CTNNA3: variants seen among roughly 807,000 people sequenced by gnomAD.
The protein encoded by CTNNA3 is catenin alpha-3.
Under a neutral mutation model 95.7 loss-of-function variants are expected in CTNNA3, and 76 were observed. The ratio of observed to expected loss-of-function variants is 0.79; its 90% confidence interval spans 0.66 to 0.96. The LOEUF (loss-of-function observed/expected upper bound fraction) is 0.96, where lower values mean the gene tolerates loss of function less well. Among genes scored for constraint, CTNNA3 ranks in the 40% least tolerant of loss-of-function variants. The pLI, the probability that CTNNA3 is intolerant of heterozygous loss-of-function variation, is 0.00. For missense variants in CTNNA3, 1,191 were observed against 1,089.8 expected, an observed-to-expected ratio of 1.09 and a Z score of -1.31; for synonymous variants, 431 against 374.4, an observed-to-expected ratio of 1.15 and a Z score of -1.74.
chr10:66,593,465 C>CA (rs1437364491), intron 10 of CTNNA3, among the ~76,000 whole-genome samples: 2 of 152,074 alleles, frequency 1.3e-5, no homozygotes, highest in Non-Finnish European at 2.9e-5. Context: ...ACCACATCAC[C>CA]AAAGTTTCTG....
chr10:66,729,840 C>A (rs959227304), intron 9 of CTNNA3, among the ~76,000 whole-genome samples: 2 of 151,630 alleles, frequency 1.3e-5, no homozygotes, highest in Non-Finnish European at 1.5e-5. Context: ...CGTGGTGGCT[C>A]ATGCCTGTAA....
At chr10:67,652,540 T>C (rs1839905436) in intron 1 of CTNNA3, among the ~76,000 whole-genome samples, 1 of 152,236 alleles carries the variant, frequency 6.6e-6, no homozygotes, top group Non-Finnish European at 1.5e-5. Flanking sequence ...CAAGGTTTAA[T>C]AATGTATATA....
chr10:66,945,612 C>CTT (rs1564786281), intron 7 of CTNNA3, among the ~76,000 whole-genome samples: 1 of 152,162 alleles, frequency 6.6e-6, no homozygotes, highest in Non-Finnish European at 1.5e-5. Flanking sequence ...TCTTCAAGAA[C>CTT]TTTTCCTTTG....
intron 13 of CTNNA3, among the ~76,000 whole-genome samples, chr10:66,250,242 AG>A (rs766376577): frequency 3.3e-5 from 5 of 152,134 alleles, no homozygotes; most frequent in Non-Finnish European, 7.4e-5. Context: ...GTGGAGATAG[AG>A]GGTAGAAGAA....
chr10:66,638,005 C>G (rs892948700), intron 9 of CTNNA3, among the ~76,000 whole-genome samples: 1 of 152,180 alleles, frequency 6.6e-6, no homozygotes, highest in African/African-American at 2.4e-5. Context: ...CAATGTTTCT[C>G]TTCCCTAACA....
chr10:66,907,768 A>T (rs1846052757), intron 7 of CTNNA3, among the ~76,000 whole-genome samples: 1 of 152,176 alleles, frequency 6.6e-6, no homozygotes, highest in African/African-American at 2.4e-5. Flanking sequence ...CTACCACTGG[A>T]AGATTAGATA....
At chr10:67,131,344 T>C (rs890463055) in intron 7 of CTNNA3, among the ~76,000 whole-genome samples, 1 of 152,120 alleles carries the variant, frequency 6.6e-6, no homozygotes, top group Non-Finnish European at 1.5e-5. Context: ...AATAATAGCA[T>C]ATACTCCATA....
At chr10:66,224,387 C>A (rs1384370613) in intron 13 of CTNNA3, among the ~76,000 whole-genome samples, 1 of 152,180 alleles carries the variant, frequency 6.6e-6, no homozygotes, top group African/African-American at 2.4e-5. Flanking sequence ...TTCCACCACA[C>A]CAGGTAGTGC....
At chr10:66,546,456 T>A (rs1029188913) in intron 10 of CTNNA3, among the ~76,000 whole-genome samples, 2 of 152,148 alleles carry the variant, frequency 1.3e-5, no homozygotes, top group African/African-American at 2.4e-5. Context: ...CATGGTTGGA[T>A]CAGTCTGTTT....
At chr10:66,448,960 A>G (rs1327256454) in intron 11 of CTNNA3, among the ~76,000 whole-genome samples, 3 of 152,122 alleles carry the variant, frequency 2.0e-5, no homozygotes, top group Non-Finnish European at 4.4e-5. Context: ...ATTGGCTAAG[A>G]GTAAATCCAT....
intron 7 of CTNNA3, among the ~76,000 whole-genome samples, chr10:66,909,423 T>C (rs1049042518): frequency 6.6e-6 from 1 of 152,018 alleles, no homozygotes. Context: ...TGCAGGAGAA[T>C]TGCTTGAACC....
chr10:67,228,867 C>A lies in CTNNA3; in HGVS notation c.580-8997G>T, dbSNP rs543183149. Among the ~76,000 whole-genome samples, 6 of 152,174 alleles carry A rather than the reference C, an allele frequency of 3.9e-5. No homozygotes were observed. In the South Asian group the frequency reaches 1.2e-3, roughly 32 times the overall value. On this transcript the variant is annotated intron_variant, in intron 5 of 17. Coordinates refer to ENST00000433211, the MANE Select transcript of CTNNA3 (RefSeq NM_013266.4). Reference sequence around the variant, plus strand: ...ACAAAAAAATCCAGGACCAGATGGACTCACAGCAGAATTCTTCCAGACATT... The same window carrying A: ...ACAAAAAAATCCAGGACCAGATGGAATCACAGCAGAATTCTTCCAGACATT...
chr10:67,354,390 G>A (rs2132652693), intron 5 of CTNNA3, among the ~76,000 whole-genome samples: 1 of 152,142 alleles, frequency 6.6e-6, no homozygotes, highest in Non-Finnish European at 1.5e-5. Context: ...CCTTCAACTT[G>A]CAAGGATAAA....
chr10:67,604,494 A>T (rs1295491853), intron 3 of CTNNA3, among the ~76,000 whole-genome samples: 1 of 152,196 alleles, frequency 6.6e-6, no homozygotes, highest in African/African-American at 2.4e-5. Flanking sequence ...TTTTTAAAAG[A>T]TCTATTTGAT....
chr10:66,132,411 G>A (rs2083154457), intron 13 of CTNNA3, among the ~76,000 whole-genome samples: 1 of 152,126 alleles, frequency 6.6e-6, no homozygotes, highest in Non-Finnish European at 1.5e-5. Flanking sequence ...ACAGGTGCTG[G>A]CAAGGTAGTG....
chr10:66,898,487 GCAAA>G (rs367617872), intron 7 of CTNNA3, among the ~76,000 whole-genome samples: 4 of 152,104 alleles, frequency 2.6e-5, no homozygotes, highest in African/African-American at 9.6e-5. Flanking sequence ...CAACAAACAA[GCAAA>G]CAAACAAAAA....
At chr10:67,579,985 T>G (rs1169058978) in intron 3 of CTNNA3, among the ~76,000 whole-genome samples, 1 of 152,206 alleles carries the variant, frequency 6.6e-6, no homozygotes, top group African/African-American at 2.4e-5. Flanking sequence ...TTGAAAAAAT[T>G]TTCTCCCATT....
chr10:67,388,984 A>G (rs1189760312), intron 5 of CTNNA3, among the ~76,000 whole-genome samples: 2 of 152,150 alleles, frequency 1.3e-5, no homozygotes, highest in Non-Finnish European at 2.9e-5. Flanking sequence ...CATCAAGACT[A>G]GGAAGAAACT....
rs1396069667 is a variant in CTNNA3 at position 67,160,481 on chromosome 10, G to A, written c.1047+19836C>T. ...GAGACAGGGTCTTGCTCTGTCCCCC[G>A]GGCTGGAGTGCAGTGATGTAATCAT... On this transcript the variant is annotated intron_variant, in intron 7 of 17. Transcript: ENST00000433211. 6.5e-5 allele frequency among the ~76,000 whole-genome samples: 9 copies of A among 139,344 alleles called. No homozygotes were observed. The East Asian group carries it at 8.5e-4, about 13-fold the overall frequency. 91.4% of individuals were successfully genotyped at this position (139,344 alleles called of 152,430 possible). A position where few individuals can be genotyped will look rare whatever the true frequency, so the allele number is the denominator to read the frequency against.
Sources: gnomAD v4.1 joint callset for allele counts (sites outside exome capture counted in the v4.1 genomes callset) on GRCh38, gnomAD v4.1.1 for gene constraint, MANE v1.5 for transcripts, NCBI Gene and HGNC (gene_info 2026-07-23, HGNC 2026-07-21) for gene names.